ARB2A: variants seen among roughly 807,000 people sequenced by gnomAD.
ARB2A encodes ARB2 cotranscriptional regulator A.
the ARB2A span, among the ~76,000 whole-genome samples, chr5:93,895,926 T>G: frequency 6.6e-6 from 1 of 151,886 alleles, no homozygotes. Context: ...AAATAACAAA[T>G]AGTAGAGTTT....
chr5:93,951,221 T>G, the ARB2A span, among the ~76,000 whole-genome samples: 3 of 152,178 alleles, frequency 2.0e-5, no homozygotes, highest in Non-Finnish European at 2.9e-5. Context: ...CCTTATATAT[T>G]CTGGTTATTA....
At chr5:94,028,318 C>T in the ARB2A span, among the ~76,000 whole-genome samples, 1 of 152,224 alleles carries the variant, frequency 6.6e-6, no homozygotes, top group Non-Finnish European at 1.5e-5. Flanking sequence ...ACTCATCCAC[C>T]TGTTTCATTC....
At chr5:93,882,683 ATCTTG>A in the ARB2A span, among the ~76,000 whole-genome samples, 2 of 151,390 alleles carry the variant, frequency 1.3e-5, no homozygotes, top group Admixed American at 6.6e-5. Flanking sequence ...GCTATTATAT[ATCTTG>A]TCTTTTCTAT....
the ARB2A span, among the ~76,000 whole-genome samples, chr5:93,687,602 A>AT: frequency 1.3e-5 from 2 of 152,144 alleles, no homozygotes; most frequent in Non-Finnish European, 2.9e-5. Context: ...CAATATGTAC[A>AT]TTTTTTTGGT....
At chr5:93,689,840 T>C in the ARB2A span, among the ~76,000 whole-genome samples, 2 of 152,096 alleles carry the variant, frequency 1.3e-5, no homozygotes, top group African/African-American at 4.8e-5. Flanking sequence ...GATTTCTGCA[T>C]TTCCAACTTT....
At chr5:93,759,241 T>C in the ARB2A span, among the ~76,000 whole-genome samples, 1 of 151,988 alleles carries the variant, frequency 6.6e-6, no homozygotes, top group Non-Finnish European at 1.5e-5. Context: ...AGCAGCAGGA[T>C]TGAAATGGTA....
chr5:93,731,699 G>C, the ARB2A span, among the ~76,000 whole-genome samples: 2 of 152,090 alleles, frequency 1.3e-5, no homozygotes, highest in Non-Finnish European at 2.9e-5. Context: ...CTTATACACT[G>C]TCCTGGCCAC....
the ARB2A span, among the ~76,000 whole-genome samples, chr5:93,837,180 T>G: frequency 6.6e-6 from 1 of 152,180 alleles, no homozygotes; most frequent in Admixed American, 6.5e-5. Context: ...GTTCTCATTG[T>G]TTAGCTCTCA....
the ARB2A span, among the ~76,000 whole-genome samples, chr5:93,698,526 T>G: frequency 6.6e-6 from 1 of 152,126 alleles, no homozygotes; most frequent in Non-Finnish European, 1.5e-5. Context: ...GAGAAGGTGA[T>G]ATTTGAACAA....
the ARB2A span, among the ~76,000 whole-genome samples, chr5:93,742,479 C>T: frequency 6.6e-6 from 1 of 152,162 alleles, no homozygotes; most frequent in South Asian, 2.1e-4. Flanking sequence ...TCCATCATGC[C>T]CCTAGCTCAG....
the ARB2A span, among the ~76,000 whole-genome samples, chr5:94,043,813 A>G: frequency 2.0e-5 from 3 of 152,226 alleles, no homozygotes; most frequent in Non-Finnish European, 2.9e-5. Context: ...GAGATTCCCT[A>G]TGGAAAAGAG....
At chr5:93,959,561 A>G in the ARB2A span, among the ~76,000 whole-genome samples, 3 of 152,154 alleles carry the variant, frequency 2.0e-5, no homozygotes, top group African/African-American at 7.2e-5. Context: ...GGGGAAGAAG[A>G]GGAAACTATT....
the ARB2A span, among the ~76,000 whole-genome samples, chr5:94,023,302 T>C: frequency 6.6e-6 from 1 of 152,146 alleles, no homozygotes; most frequent in African/African-American, 2.4e-5. Context: ...ATCAGCACCA[T>C]AGATGAGCCC....
At chr5:93,999,790 T>TTTTAAGGATTTAAGTATTTTAAGGA in the ARB2A span, among the ~76,000 whole-genome samples, 5 of 152,044 alleles carry the variant, frequency 3.3e-5, no homozygotes, top group Admixed American at 6.6e-5. Context: ...ATACATAGTA[T>TTTTAAGGATTTAAGTATTTTAAGGA]TTTTACTCCT....
the ARB2A span, among the ~76,000 whole-genome samples, chr5:93,926,015 A>G: frequency 7.2e-5 from 11 of 152,258 alleles, no homozygotes; most frequent in Admixed American, 5.9e-4. Flanking sequence ...TCACAGTACA[A>G]AAATACCAAA....
the ARB2A span, among the ~76,000 whole-genome samples, chr5:93,969,382 C>T: frequency 6.6e-6 from 1 of 152,038 alleles, no homozygotes; most frequent in Non-Finnish European, 1.5e-5. Context: ...AAATCTACTA[C>T]ACCTGGCAAT....
At chr5:93,949,173 C>A in the ARB2A span, among the ~76,000 whole-genome samples, 2 of 151,862 alleles carry the variant, frequency 1.3e-5, no homozygotes, top group Non-Finnish European at 2.9e-5. Flanking sequence ...AATTTTTGTA[C>A]GTACCTAGGT....
At chr5:94,055,115 G>A in the ARB2A span, among the ~76,000 whole-genome samples, 1 of 152,058 alleles carries the variant, frequency 6.6e-6, no homozygotes, top group Non-Finnish European at 1.5e-5. Flanking sequence ...CTCACTATCT[G>A]TCATCACAGA....
chr5:93,948,613 G>A, the ARB2A span, among the ~76,000 whole-genome samples: 1 of 151,978 alleles, frequency 6.6e-6, no homozygotes, highest in Non-Finnish European at 1.5e-5. Flanking sequence ...GTAATGCCTA[G>A]GTTTTCTTCT....
Sources: allele counts gnomAD v4.1 joint callset (sites outside exome capture counted in the v4.1 genomes callset), GRCh38; gene constraint gnomAD v4.1.1; transcripts MANE v1.5; gene names NCBI Gene and HGNC (gene_info 2026-07-23, HGNC 2026-07-21).